Variants in RYR2 observed in about 807,000 individuals in gnomAD.
RYR2 encodes cardiac muscle ryanodine receptor-calcium release channel.
Under a neutral mutation model 601.1 loss-of-function variants are expected in RYR2, and 227 were observed. That is an observed-to-expected ratio of 0.38 (90% CI 0.34 to 0.42). RYR2 has a LOEUF of 0.42. Ranked by LOEUF, RYR2 falls within the 10% of genes least tolerant of loss-of-function variation. RYR2 has a pLI of 1.00. For synonymous variants in RYR2, 2,223 were observed against 2,175.1 expected (o/e 1.02, Z -0.61); for missense variants, 4,646 against 6,156.5 (o/e 0.75, Z 8.21).
rs1166413866 is a variant in RYR2 at position 237,784,008 on chromosome 1, C to T, written c.12296C>T (p.Ala4099Val). The change falls in exon 90 of 105, where the codon GCC (alanine) becomes GTC (valine). Residue 4099 changes from alanine (A) to valine (V), a missense_variant. Ala to Val is a moderately conservative substitution (Grantham distance 64). Coordinates refer to ENST00000366574, the MANE Select transcript of RYR2 (RefSeq NM_001035.3). This position sits in a 1 kb window ranked among gnomAD's most constrained non-coding sequence, Gnocchi z 7.1. The part of the protein sequence containing the change: ...EPAKDIGFNV[A>V]VLLTNLSEHM... Reference sequence around the variant, plus strand: ...GCGAAGGACATCGGCTTCAACGTCGCCGTCCTTCTGACAAACCTCTCTGAG... The same window carrying T: ...GCGAAGGACATCGGCTTCAACGTCGTCGTCCTTCTGACAAACCTCTCTGAG... 6.2e-7 allele frequency: 1 copy of T among 1,613,966 alleles called. No individual in the cohort carries two copies. Among genetic ancestry groups the T allele is most frequent in the Non-Finnish European group, 8.5e-7 (1 of 1,179,852 alleles).
At chr1:237,806,083 T>C in intron 98 of RYR2, 54 bp from the exon 99 acceptor site, 2 of 1,522,864 alleles carry the variant, frequency 1.3e-6, no homozygotes, top group Non-Finnish European at 1.8e-6. Context: ...CCCATAACAA[T>C]AGTCATGCGT....
chr1:237,426,065 T>C (rs773168496), intron 12 of RYR2, among the ~76,000 whole-genome samples: 2 of 151,352 alleles, frequency 1.3e-5, no homozygotes, highest in Non-Finnish European at 2.9e-5. Context: ...TATTCATATA[T>C]ATATATTATT....
intron 23 of RYR2, among the ~76,000 whole-genome samples, chr1:237,511,296 CAAAAAA>C (rs764004466): frequency 2.3e-5 from 2 of 88,234 alleles, no homozygotes; most frequent in Admixed American, 1.3e-4. Context: ...GTGTATGGAC[CAAAAAA>C]AAAAAAAAAA....
chr1:237,821,839 AT>A (rs2102857540), intron 101 of RYR2, among the ~76,000 whole-genome samples: 1 of 151,996 alleles, frequency 6.6e-6, no homozygotes, highest in East Asian at 2.0e-4. Flanking sequence ...AAATGACCTG[AT>A]GGAGCTGAAA....
rs190344218 is a variant in RYR2, at chr1:237,578,423, T to A, written c.3598+9104T>A. The stretch of plus-strand genomic sequence containing the variant: ...GCTTTGAATGAATGGCTTCTCTGTA[T>A]TTCTTTATCTTCTCCAACTCCCTAG... On this transcript the variant is annotated intron_variant, in intron 29 of 104. Transcript: ENST00000366574. Among the ~76,000 whole-genome samples, 521 of 152,290 alleles carry A rather than the reference T, an allele frequency of 3.4e-3. 5 individuals are homozygous for A. The highest frequency in any genetic ancestry group is 0.012 in the African/African-American group (502 of 41,568).
intron 100 of RYR2, among the ~76,000 whole-genome samples, chr1:237,810,719 T>C (rs757000317): frequency 1.3e-5 from 2 of 152,160 alleles, no homozygotes; most frequent in African/African-American, 2.4e-5. Context: ...AGTGTCCTGA[T>C]TAAGTCAGTT....
At chr1:237,253,179 A>AAC (rs1553365910) in intron 1 of RYR2, among the ~76,000 whole-genome samples, 20 of 149,228 alleles carry the variant, frequency 1.3e-4, no homozygotes, top group African/African-American at 3.7e-4. Context: ...AAAAAAAAAA[A>AAC]AACAACAACA....
intron 33 of RYR2, among the ~76,000 whole-genome samples, chr1:237,594,904 T>TTTTTG (rs1675684453): frequency 1.9e-5 from 1 of 52,612 alleles, no homozygotes; most frequent in African/African-American, 4.4e-5. Flanking sequence ...TTTTTTTTTT[T>TTTTTG]TTTTTTTTTT....
rs76370924 is a variant in RYR2 at position 237,227,787 on chromosome 1, C to T, written c.49-42710C>T. Among the ~76,000 whole-genome samples, 348 of 152,300 alleles carry T rather than the reference C, an allele frequency of 2.3e-3. 1 individual carries two copies. Among genetic ancestry groups the T allele is most frequent in the African/African-American group, 8.2e-3 (339 of 41,560 alleles). On this transcript the variant is annotated intron_variant, in intron 1 of 104. Transcript: ENST00000366574. ...TGCTGGGATGGAATCCAGCCACTTG[C>T]AACCCTGCACTGGAATAAGTGGATA... is the stretch of plus-strand genomic sequence containing the variant.
chr1:237,596,672 C>T (rs1485713473), intron 34 of RYR2, among the ~76,000 whole-genome samples: 3 of 152,114 alleles, frequency 2.0e-5, no homozygotes, highest in Non-Finnish European at 4.4e-5. Context: ...CAAAGGATCT[C>T]AAGAGAATCA....
intron 3 of RYR2, among the ~76,000 whole-genome samples, chr1:237,342,971 G>A (rs1274640783): frequency 6.6e-6 from 1 of 152,192 alleles, no homozygotes; most frequent in Non-Finnish European, 1.5e-5. Flanking sequence ...CACTTTGGGA[G>A]TCTGAGGTGG....
chr1:237,492,948 T>C lies in RYR2; in HGVS notation c.1828-6T>C. 6.4e-7 allele frequency: 1 copy of C among 1,569,556 alleles called. No individual in the cohort carries two copies. Among genetic ancestry groups the C allele is most frequent in the Non-Finnish European group, 8.7e-7 (1 of 1,154,912 alleles). On this transcript the variant is annotated splice_region_variant and splice_polypyrimidine_tract_variant and intron_variant, in intron 18 of 104. Coordinates refer to ENST00000366574, the MANE Select transcript of RYR2 (RefSeq NM_001035.3). ...AGGATCAGCTGAAAGTAATTTCTCT[T>C]TTCAGGTTCTGGATGTCTTGTGCTC...
chr1:237,786,100 ACT>A, intron 91 of RYR2, 64 bp downstream of exon 91: 1 of 1,037,710 alleles, frequency 9.6e-7, no homozygotes, highest in South Asian at 1.4e-5. Context: ...TTTTTCTTGT[ACT>A]CTGTCTTTGG....
chr1:237,141,296 T>G (rs1673362724), intron 1 of RYR2, among the ~76,000 whole-genome samples: 1 of 152,226 alleles, frequency 6.6e-6, no homozygotes, highest in South Asian at 2.1e-4. Flanking sequence ...AGGATTTTGG[T>G]AGAATCTCTT....
At chr1:237,372,904 T>TATCCAGTAGTGATATAGTAGC (rs1700748994) in intron 6 of RYR2, among the ~76,000 whole-genome samples, 1 of 152,258 alleles carries the variant, frequency 6.6e-6, no homozygotes, top group Non-Finnish European at 1.5e-5. Context: ...TAGTAGTGAA[T>TATCCAGTAGTGATATAGTAGC]AAGACCAAGT....
chr1:237,263,991 C>T (rs145564241), intron 1 of RYR2, among the ~76,000 whole-genome samples: 31 of 152,032 alleles, frequency 2.0e-4, no homozygotes, highest in Admixed American at 9.8e-4. Flanking sequence ...ATAGGGCGAC[C>T]GTGGAAGTGG....
intron 73 of RYR2, among the ~76,000 whole-genome samples, chr1:237,722,485 G>C (rs982902965): frequency 1.3e-5 from 2 of 150,578 alleles, no homozygotes; most frequent in Non-Finnish European, 1.5e-5. Context: ...CCAGGCTGGA[G>C]TGCAGTGGCG....
intron 10 of RYR2, among the ~76,000 whole-genome samples, chr1:237,394,828 A>G (rs1476518014): frequency 6.6e-6 from 1 of 152,224 alleles, no homozygotes; most frequent in Admixed American, 6.5e-5. Context: ...TGGGTAATTT[A>G]TAAAGACAAG....
At chr1:237,681,076 T>C (rs1170995435) in intron 62 of RYR2, among the ~76,000 whole-genome samples, 1 of 152,226 alleles carries the variant, frequency 6.6e-6, no homozygotes, top group African/African-American at 2.4e-5. Flanking sequence ...CATTTCTGTT[T>C]AAACCAAAGG....
Sources: gnomAD v4.1 joint callset for allele counts (sites outside exome capture counted in the v4.1 genomes callset) on GRCh38, gnomAD v4.1.1 for gene constraint, Gnocchi (gnomAD v3.1) non-coding constraint, MANE v1.5 for transcripts, NCBI Gene and HGNC (gene_info 2026-07-23, HGNC 2026-07-21) for gene names.